Variants in SUGCT observed in about 807,000 individuals in gnomAD.
SUGCT encodes succinyl-CoA:glutarate CoA-transferase.
SUGCT carries 41 observed loss-of-function variants against 55.0 expected under a neutral mutation model. The observed-to-expected ratio is 0.74, with a 90% CI of 0.58 to 0.97. SUGCT has a LOEUF of 0.97. SUGCT is among the 50% of genes least tolerant of loss of function. SUGCT has a pLI of 0.00. For synonymous variants in SUGCT, 187 were observed against 200.4 expected, an observed-to-expected ratio of 0.93 and a Z score of 0.56; for missense variants, 568 against 547.8, an observed-to-expected ratio of 1.04 and a Z score of -0.37.
At chr7:40,517,320 TTTTTC>T (rs1161508943) in intron 12 of SUGCT, among the ~76,000 whole-genome samples, 3 of 152,096 alleles carry the variant, frequency 2.0e-5, no homozygotes, top group Middle Eastern at 3.4e-3. Flanking sequence ...TTTTCTTGTC[TTTTTC>T]TTTTCTTTTC....
intron 13 of SUGCT, among the ~76,000 whole-genome samples, chr7:40,771,042 T>C (rs1332011808): frequency 6.6e-6 from 1 of 152,218 alleles, no homozygotes; most frequent in Non-Finnish European, 1.5e-5. Context: ...TTTTGAAATA[T>C]GAGCAGATAA....
At chr7:40,340,387 CT>C (rs2151174789) in intron 9 of SUGCT, among the ~76,000 whole-genome samples, 1 of 152,120 alleles carries the variant, frequency 6.6e-6, no homozygotes, top group African/African-American at 2.4e-5. Context: ...AAAAAAAACC[CT>C]ATCACATTAT....
chr7:40,819,444 G>A (rs575634359), intron 13 of SUGCT, among the ~76,000 whole-genome samples: 8 of 152,104 alleles, frequency 5.3e-5, no homozygotes, highest in East Asian at 3.9e-4. Context: ...TTTAATGATC[G>A]CCATTCTGAC....
intron 7 of SUGCT, among the ~76,000 whole-genome samples, chr7:40,245,423 A>ATATTTTTTTTTTTTTTTTTTT (rs1344678220): frequency 1.8e-5 from 1 of 54,604 alleles, no homozygotes; most frequent in Non-Finnish European, 3.3e-5. Flanking sequence ...ATATATATAT[A>ATATTTTTTTTTTTTTTTTTTT]TTTTTTTTTT....
the SUGCT span, among the ~76,000 whole-genome samples, chr7:40,925,665 T>C: frequency 6.6e-6 from 1 of 152,174 alleles, no homozygotes; most frequent in Admixed American, 6.5e-5. Context: ...AGAAAGTAGC[T>C]GAACCGGATA....
intron 1 of SUGCT, among the ~76,000 whole-genome samples, chr7:40,171,774 G>C (rs972560580): frequency 3.9e-5 from 6 of 152,192 alleles, no homozygotes; most frequent in Non-Finnish European, 8.8e-5. Flanking sequence ...TGATAGGAAG[G>C]CTAGGTATGT....
intron 13 of SUGCT, among the ~76,000 whole-genome samples, chr7:40,792,592 G>A (rs1264766671): frequency 6.6e-6 from 1 of 152,116 alleles, no homozygotes; most frequent in African/African-American, 2.4e-5. Flanking sequence ...TGTGACAATG[G>A]TTTCTGATGC....
intron 9 of SUGCT, among the ~76,000 whole-genome samples, chr7:40,443,730 G>T (rs1788649567): frequency 6.6e-6 from 1 of 152,132 alleles, no homozygotes; most frequent in South Asian, 2.1e-4. Flanking sequence ...AGTTTAATTA[G>T]ATCCCATTTG....
intron 12 of SUGCT, among the ~76,000 whole-genome samples, chr7:40,566,631 T>TA (rs1450162740): frequency 6.6e-6 from 1 of 152,218 alleles, no homozygotes; most frequent in African/African-American, 2.4e-5. Context: ...TTTATTATGT[T>TA]AAAAAACATC....
chr7:40,957,927 A>C, the SUGCT span, among the ~76,000 whole-genome samples: 1 of 152,122 alleles, frequency 6.6e-6, no homozygotes, highest in African/African-American at 2.4e-5. Flanking sequence ...TATGAAGCTT[A>C]GTTTGGCTGG....
At chr7:40,228,453 T>G (rs1428378612) in intron 6 of SUGCT, among the ~76,000 whole-genome samples, 1 of 152,180 alleles carries the variant, frequency 6.6e-6, no homozygotes, top group Non-Finnish European at 1.5e-5. Context: ...TGTTAATTTT[T>G]TTTTGTTCTT....
At chr7:40,898,697 T>TAAAAAAAAAAAAAAAAA in the SUGCT span, among the ~76,000 whole-genome samples, 5 of 144,470 alleles carry the variant, frequency 3.5e-5, no homozygotes, top group Non-Finnish European at 4.6e-5. Context: ...AGACTCCGTC[T>TAAAAAAAAAAAAAAAAA]AAAAAAAAAA....
Position 40,860,313 on chromosome 7 carries a change from C to T in SUGCT, c.1154-3C>T, listed in dbSNP as rs752287587. ...GCTTCCTGCTTTCCTTCTCCTTTGGCAGGCCCAGCTGTGAGATACAGTAAG... is the reference window on the plus strand; with the variant it reads ...GCTTCCTGCTTTCCTTCTCCTTTGGTAGGCCCAGCTGTGAGATACAGTAAG... On this transcript the variant is annotated splice_polypyrimidine_tract_variant and splice_region_variant and intron_variant, in intron 13 of 13. Transcript: ENST00000335693. 1 of 1,613,936 alleles carries T rather than the reference C, an allele frequency of 6.2e-7. No individual in the cohort carries two copies. Among genetic ancestry groups the T allele is most frequent in the East Asian group, 2.2e-5 (1 of 44,880 alleles).
chr7:40,314,762 C>T (rs1173150143), intron 8 of SUGCT, among the ~76,000 whole-genome samples: 2 of 99,918 alleles, frequency 2.0e-5, no homozygotes, highest in East Asian at 5.4e-4. Context: ...TGGAGTTTCT[C>T]CATGTTGGTC....
At chr7:40,835,886 T>C (rs922343575) in intron 13 of SUGCT, among the ~76,000 whole-genome samples, 1 of 151,338 alleles carries the variant, frequency 6.6e-6, no homozygotes, top group Non-Finnish European at 1.5e-5. Flanking sequence ...ATTTTCTTTT[T>C]TTTCTTTTTT....
At chr7:40,474,084 A>G (rs1790536077) in intron 11 of SUGCT, among the ~76,000 whole-genome samples, 1 of 152,134 alleles carries the variant, frequency 6.6e-6, no homozygotes. Context: ...AAAACAATCA[A>G]GGAATGTTTA....
At chr7:40,190,538 C>T (rs777441221) in intron 5 of SUGCT, among the ~76,000 whole-genome samples, 9 of 152,202 alleles carry the variant, frequency 5.9e-5, no homozygotes, top group Non-Finnish European at 1.0e-4. Flanking sequence ...TGTGAGCCAC[C>T]GCGCCCAGCC....
chr7:40,413,346 C>T (rs1786796694), intron 9 of SUGCT, among the ~76,000 whole-genome samples: 1 of 152,116 alleles, frequency 6.6e-6, no homozygotes, highest in African/African-American at 2.4e-5. Context: ...TGGCCTCCTT[C>T]CTGGAGCTCC....
intron 9 of SUGCT, among the ~76,000 whole-genome samples, chr7:40,366,956 A>G (rs1784011707): frequency 6.6e-6 from 1 of 152,256 alleles, no homozygotes; most frequent in Admixed American, 6.5e-5. Flanking sequence ...CTATGAAGAC[A>G]CATGCACACG....
Sources: allele counts gnomAD v4.1 joint callset (sites outside exome capture counted in the v4.1 genomes callset), GRCh38; gene constraint gnomAD v4.1.1; transcripts MANE v1.5; gene names NCBI Gene and HGNC (gene_info 2026-07-23, HGNC 2026-07-21).